PHACTR1: variants seen among roughly 807,000 people sequenced by gnomAD.
PHACTR1 encodes the protein RPEL repeat containing 1.
A neutral mutation model predicts 69.2 loss-of-function variants in PHACTR1; 16 were observed. That is an observed-to-expected ratio of 0.23 (90% CI 0.16 to 0.35). The LOEUF (loss-of-function observed/expected upper bound fraction) is 0.35. PHACTR1 is among the 10% of genes least tolerant of loss of function. PHACTR1 has a pLI of 1.00. For synonymous variants in PHACTR1, 312 were observed against 284.5 expected (o/e 1.10, Z -0.97); for missense variants, 510 against 734.7 (o/e 0.69, Z 3.54).
At chr6:12,954,660 T>A (rs910809565) in intron 4 of PHACTR1, among the ~76,000 whole-genome samples, 3 of 152,124 alleles carry the variant, frequency 2.0e-5, no homozygotes, top group African/African-American at 7.2e-5. Context: ...AACCTGAGAT[T>A]GATGTTTTAA....
intron 4 of PHACTR1, among the ~76,000 whole-genome samples, chr6:12,784,502 A>G (rs1771266994): frequency 6.6e-6 from 1 of 151,530 alleles, no homozygotes; most frequent in Admixed American, 6.6e-5. Flanking sequence ...ACACATATAT[A>G]CATATGTATC....
intron 7 of PHACTR1, among the ~76,000 whole-genome samples, chr6:13,187,025 G>A (rs371470831): frequency 2.6e-5 from 4 of 152,122 alleles, no homozygotes; most frequent in Admixed American, 6.5e-5. Flanking sequence ...CCTCACATGC[G>A]CAGTTCACAA....
intron 5 of PHACTR1, among the ~76,000 whole-genome samples, chr6:13,064,602 ATATC>A (rs1561776407): frequency 0.015 from 98 of 6,438 alleles, 16 homozygotes; most frequent in African/African-American, 0.019. Context: ...ATATATATAT[ATATC>A]TATATATCTA....
chr6:13,091,540 G>C (rs1425240246), intron 5 of PHACTR1, among the ~76,000 whole-genome samples: 1 of 152,138 alleles, frequency 6.6e-6, no homozygotes, highest in Non-Finnish European at 1.5e-5. Context: ...CCAAATGGGG[G>C]TAGCAGATGG....
intron 4 of PHACTR1, among the ~76,000 whole-genome samples, chr6:13,026,137 C>T (rs145238609): frequency 2.2e-4 from 34 of 152,260 alleles, no homozygotes; most frequent in Admixed American, 1.4e-3. Flanking sequence ...TAGCCTAAAT[C>T]GCAGTCAGAT....
At chr6:12,728,066 C>A (rs150612612) in intron 3 of PHACTR1, among the ~76,000 whole-genome samples, 1 of 152,060 alleles carries the variant, frequency 6.6e-6, no homozygotes, top group Non-Finnish European at 1.5e-5. Flanking sequence ...AATTCCAGCA[C>A]TTTGGGAGGC....
chr6:12,937,086 T>C (rs1271409653), intron 4 of PHACTR1, among the ~76,000 whole-genome samples: 1 of 152,220 alleles, frequency 6.6e-6, no homozygotes, highest in Non-Finnish European at 1.5e-5. Context: ...TGCAGTCTCT[T>C]ACTCCCACAG....
intron 8 of PHACTR1, among the ~76,000 whole-genome samples, chr6:13,213,491 T>A (rs1347694097): frequency 6.6e-6 from 1 of 152,204 alleles, no homozygotes; most frequent in Non-Finnish European, 1.5e-5. Flanking sequence ...TGTTTCTCTG[T>A]ATATTCTCTC....
intron 4 of PHACTR1, among the ~76,000 whole-genome samples, chr6:12,866,083 T>C (rs1332752271): frequency 6.6e-6 from 1 of 152,128 alleles, no homozygotes; most frequent in East Asian, 1.9e-4. Context: ...ATGTTTTATA[T>C]TGTATGGGGA....
chr6:13,191,923 GC>G (rs1763657224), intron 7 of PHACTR1, among the ~76,000 whole-genome samples: 1 of 152,122 alleles, frequency 6.6e-6, no homozygotes, highest in African/African-American at 2.4e-5. Flanking sequence ...TTTCTGCAGT[GC>G]ATACAAGGAC....
rs567053136 is a variant in PHACTR1, at chr6:12,773,697, A to T, written c.250+23907A>T. ...TGCTTCAGGCATCAACTTGGCATTTAAAAAAAAATTTAAAACCACATGGAT... is the reference window on the plus strand; with the variant it reads ...TGCTTCAGGCATCAACTTGGCATTTTAAAAAAAATTTAAAACCACATGGAT... On this transcript the variant is annotated intron_variant, in intron 4 of 14. Transcript: ENST00000332995. Among the ~76,000 whole-genome samples the T allele has an allele frequency of 1.8e-4, 28 of 151,878 alleles. 1 individual carries two copies. The highest frequency in any genetic ancestry group is 5.8e-4 in the African/African-American group (24 of 41,462).
chr6:12,871,224 G>T (rs568845759), intron 4 of PHACTR1, among the ~76,000 whole-genome samples: 1 of 152,304 alleles, frequency 6.6e-6, no homozygotes, highest in South Asian at 2.1e-4. Context: ...TTTGCTCACC[G>T]CTATGTGCTA....
At chr6:13,271,508 C>T (rs1212602343) in intron 10 of PHACTR1, among the ~76,000 whole-genome samples, 1 of 152,130 alleles carries the variant, frequency 6.6e-6, no homozygotes, top group Non-Finnish European at 1.5e-5. Flanking sequence ...ATAGTCCTTT[C>T]TGGGAGATTG....
intron 5 of PHACTR1, among the ~76,000 whole-genome samples, chr6:13,134,591 C>G (rs934140351): frequency 2.6e-5 from 4 of 151,988 alleles, no homozygotes; most frequent in African/African-American, 9.7e-5. Flanking sequence ...TGCTTGAAGG[C>G]AGCATGCTCC....
intron 10 of PHACTR1, among the ~76,000 whole-genome samples, chr6:13,265,859 C>T (rs1184379248): frequency 6.6e-6 from 1 of 152,120 alleles, no homozygotes; most frequent in Non-Finnish European, 1.5e-5. Flanking sequence ...GGCAAAGTTC[C>T]ATCCTAAGCC....
intron 3 of PHACTR1, among the ~76,000 whole-genome samples, chr6:12,745,175 T>C (rs575742621): frequency 6.6e-6 from 1 of 152,342 alleles, no homozygotes; most frequent in Non-Finnish European, 1.5e-5. Flanking sequence ...GAATATCACA[T>C]CCTTCTTTCT....
intron 5 of PHACTR1, among the ~76,000 whole-genome samples, chr6:13,083,275 G>C (rs1172917521): frequency 6.6e-6 from 1 of 151,814 alleles, no homozygotes; most frequent in Admixed American, 6.6e-5. Flanking sequence ...CATTATTTCT[G>C]AGGGCTCTGT....
At chr6:12,937,164 C>A (rs553699953) in intron 4 of PHACTR1, among the ~76,000 whole-genome samples, 1 of 152,130 alleles carries the variant, frequency 6.6e-6, no homozygotes, top group Admixed American at 6.5e-5. Context: ...TTCTGCCCAG[C>A]CACCTTTCTG....
At chr6:12,840,048 T>C (rs149330165) in intron 4 of PHACTR1, among the ~76,000 whole-genome samples, 2 of 152,262 alleles carry the variant, frequency 1.3e-5, no homozygotes, top group African/African-American at 4.8e-5. Flanking sequence ...CTTGCTCCTG[T>C]ACTTGCCCCA....
Sources: allele counts gnomAD v4.1 joint callset (sites outside exome capture counted in the v4.1 genomes callset), GRCh38; gene constraint gnomAD v4.1.1; transcripts MANE v1.5; gene names NCBI Gene and HGNC (gene_info 2026-07-23, HGNC 2026-07-21).